The following NUP210L variants were observed in gnomAD, a reference collection of about 807,000 sequenced individuals.
The protein encoded by NUP210L is nuclear pore membrane glycoprotein 210-like.
Under a neutral mutation model 208.5 loss-of-function variants are expected in NUP210L, and 74 were observed. That is an observed-to-expected ratio of 0.35 (90% CI 0.29 to 0.43). The LOEUF (loss-of-function observed/expected upper bound fraction) is 0.43, where lower values mean the gene tolerates loss of function less well. NUP210L is among the 20% of genes least tolerant of loss of function. NUP210L has a pLI of 1.00. For synonymous variants in NUP210L, 780 were observed against 816.9 expected, an observed-to-expected ratio of 0.95 and a Z score of 0.77; for missense variants, 1,843 against 2,289.4, an observed-to-expected ratio of 0.81 and a Z score of 3.98.
At chr1:154,058,316 A>C in intron 21 of NUP210L, 100 bp from the exon 22 acceptor site, 1 of 1,307,506 alleles carries the variant, frequency 7.6e-7, no homozygotes, top group Non-Finnish European at 1.1e-6. Context: ...TTTCATGCTA[A>C]ATGATCCTGG....
intron 9 of NUP210L, 75 bp from the exon 10 acceptor site, chr1:154,126,538 C>A (rs1274154448): frequency 8.5e-6 from 11 of 1,293,332 alleles, no homozygotes; most frequent in Non-Finnish European, 1.1e-5. Context: ...CCCAAAGCAT[C>A]TATAAAACTG....
intron 16 of NUP210L, among the ~76,000 whole-genome samples, chr1:154,084,287 C>T (rs1361141935): frequency 4.0e-5 from 6 of 150,656 alleles, no homozygotes; most frequent in African/African-American, 1.5e-4. Flanking sequence ...TCTCGGTTCA[C>T]TGCAACCTCC....
chr1:154,064,746 T>C (rs1654313295), intron 17 of NUP210L, among the ~76,000 whole-genome samples: 1 of 152,136 alleles, frequency 6.6e-6, no homozygotes, highest in East Asian at 1.9e-4. Context: ...AAATAAATAA[T>C]ATTAGGAAAA....
rs1484877930 is a variant in NUP210L, at chr1:154,010,572, G to A, written c.4781-451C>T. Among the ~76,000 whole-genome samples, 3 of 151,854 alleles carry A rather than the reference G, an allele frequency of 2.0e-5. No homozygotes were observed. In the East Asian group the frequency reaches 5.8e-4, roughly 29 times the overall value. On this transcript the variant is annotated intron_variant, in intron 34 of 39. Coordinates refer to ENST00000368559, the Ensembl canonical transcript of NUP210L. ...AGTAAGATAGATTACAGGGAAGTTA[G>A]AAATCTATTAAAAATAGGCCAGGCG...
chr1:154,082,621 A>G lies in NUP210L; in HGVS notation c.2361+6800T>C, dbSNP rs1047386369. 2.6e-5 allele frequency among the ~76,000 whole-genome samples: 4 copies of G among 152,224 alleles called. No individual in the cohort carries two copies. The East Asian group carries it at 5.8e-4, about 22-fold the overall frequency. ...TATCCTTTATAATAAACTGGTAAAC[A>G]TAAGTAAATATTTCCCTGAGTTCCA... On this transcript the variant is annotated intron_variant, in intron 16 of 39. Transcript: ENST00000368559.
rs143885405 is a variant in NUP210L, at chr1:153,996,252, A to G, written c.5387-1072T>C. Among the ~76,000 whole-genome samples, 591 of 152,264 alleles carry G rather than the reference A, an allele frequency of 3.9e-3. 33 individuals are homozygous for G. The East Asian group carries it at 0.1, about 27-fold the overall frequency. On this transcript the variant is annotated intron_variant, in intron 37 of 39. Transcript: ENST00000368559. ...GCTAGCAGTGAACCGAGATCTCTCC[A>G]CTGCACTCCAGCCTGGGTGACAGAG...
rs1303688147 is a variant in NUP210L, at chr1:154,155,086, C to CG, written c.-43_-42insC. 1 of 1,431,772 alleles carries CG rather than the reference C, an allele frequency of 7.0e-7. No homozygotes were observed. Among genetic ancestry groups the CG allele is most frequent in the South Asian group, 1.2e-5 (1 of 82,816 alleles). 88.7% of individuals were successfully genotyped at this position (1,431,772 alleles called of 1,614,324 possible). A position where few individuals can be genotyped will look rare whatever the true frequency, so the allele number is the denominator to read the frequency against. On this transcript the variant is annotated 5_prime_UTR_variant, in exon 1 of 40. Coordinates refer to ENST00000368559, the Ensembl canonical transcript of NUP210L. ...CGGGTTCCCGCTCAACTACAGCCGG[C>CG]TCACAGCTCCATCAGCCAATCCACA...
At chr1:154,140,020 A>C (rs763279394) in intron 4 of NUP210L, 68 bp from the exon 5 acceptor site, 16 of 1,255,432 alleles carry the variant, frequency 1.3e-5, no homozygotes, top group Non-Finnish European at 1.8e-5. Flanking sequence ...AGTCCCTAAG[A>C]GACTTTAAAC....
chr1:154,073,857 TA>T (rs1654902093), intron 16 of NUP210L, among the ~76,000 whole-genome samples: 5 of 151,008 alleles, frequency 3.3e-5, no homozygotes, highest in Non-Finnish European at 7.4e-5. Flanking sequence ...AATAAATAAA[TA>T]AATTCAATGG....
intron 27 of NUP210L, among the ~76,000 whole-genome samples, chr1:154,032,005 C>T (rs1044807689): frequency 6.6e-6 from 1 of 152,150 alleles, no homozygotes; most frequent in Admixed American, 6.6e-5. Context: ...GCTGGGATTA[C>T]AGGTGTGAGT....
At chr1:154,106,953 T>G (rs1256673191) in intron 12 of NUP210L, among the ~76,000 whole-genome samples, 1 of 152,082 alleles carries the variant, frequency 6.6e-6, no homozygotes, top group East Asian at 1.9e-4. Flanking sequence ...ATACCTAACT[T>G]TTCAATGCCC....
intron 27 of NUP210L, 55 bp from the exon 28 acceptor site, chr1:154,030,109 C>T: frequency 5.5e-6 from 7 of 1,272,278 alleles, no homozygotes; most frequent in South Asian, 3.8e-5. Context: ...TGGTGTCCTT[C>T]CTTTTTTTTT....
chr1:154,009,896 C>A, intron 35 of NUP210L, 76 bp downstream of exon 35: 1 of 1,190,478 alleles, frequency 8.4e-7, no homozygotes, highest in South Asian at 1.9e-5. Context: ...GATATAAATG[C>A]AATCCAATAA....
chr1:154,084,490 G>A (rs1655522212), intron 16 of NUP210L, among the ~76,000 whole-genome samples: 1 of 152,002 alleles, frequency 6.6e-6, no homozygotes, highest in African/African-American at 2.4e-5. Context: ...GGGATTAGAA[G>A]CATGAGCCAC....
chr1:154,154,965 A>C (rs542020188), exon 1 of NUP210L: 11 of 1,614,066 alleles, frequency 6.8e-6, no homozygotes, highest in Non-Finnish European at 7.6e-6. Context: ...AACCAGAAAC[A>C]ACAACAGGAG....
At chr1:154,134,580 A>G (rs1658427495) in intron 7 of NUP210L, among the ~76,000 whole-genome samples, 1 of 151,030 alleles carries the variant, frequency 6.6e-6, no homozygotes, top group Non-Finnish European at 1.5e-5. Context: ...TACTAAAAAT[A>G]CAAAAAATTA....
exon 31 of NUP210L, chr1:154,023,266 C>T: frequency 6.2e-7 from 1 of 1,611,688 alleles, no homozygotes; most frequent in Non-Finnish European, 8.5e-7. Context: ...CTTGGGTTGG[C>T]TGCTCACTCG....
intron 15 of NUP210L, among the ~76,000 whole-genome samples, chr1:154,091,505 T>C (rs79881685): frequency 5.4e-5 from 8 of 149,020 alleles, no homozygotes; most frequent in Non-Finnish European, 8.9e-5. Flanking sequence ...TCTTTTCTTT[T>C]TTTTTTTTTT....
At chr1:153,996,927 A>G (rs1464792579) in intron 37 of NUP210L, among the ~76,000 whole-genome samples, 1 of 139,628 alleles carries the variant, frequency 7.2e-6, no homozygotes, top group Non-Finnish European at 1.5e-5. Flanking sequence ...GCAGCCTCCT[A>G]AGTAACTAGG....
Sources: gnomAD v4.1 joint callset for allele counts (sites outside exome capture counted in the v4.1 genomes callset) on GRCh38, gnomAD v4.1.1 for gene constraint, MANE v1.5 for transcripts, NCBI Gene and HGNC (gene_info 2026-07-23, HGNC 2026-07-21) for gene names.